The following ARG1 variants were observed in gnomAD, a reference collection of about 807,000 sequenced individuals.
ARG1 encodes the protein arginase 1.
ARG1 carries 20 observed loss-of-function variants against 33.0 expected under a neutral mutation model. The observed-to-expected ratio is 0.61, with a 90% CI of 0.43 to 0.88. The LOEUF (loss-of-function observed/expected upper bound fraction) is 0.88, where lower values mean the gene tolerates loss of function less well. Ranked by LOEUF, ARG1 falls within the 40% of genes least tolerant of loss-of-function variation. The probability of loss-of-function intolerance (pLI) is 0.00; values close to 1 mark genes in which losing one functional copy is unlikely to be tolerated. For missense variants in ARG1, 374 were observed against 384.7 expected (o/e 0.97, Z 0.23); for synonymous variants, 146 against 140.6 (o/e 1.04, Z -0.27).
chr6:131,582,714 C>G lies in ARG1; in HGVS notation c.559C>G (p.His187Asp). 6.2e-7 allele frequency: 1 copy of G among 1,613,292 alleles called. No individual in the cohort carries two copies. The highest frequency in any genetic ancestry group is 8.5e-7 in the Non-Finnish European group (1 of 1,179,360). Residue 187 changes from histidine to aspartate, a missense_variant and splice_region_variant, in exon 5 of 8, where the codon CAC becomes GAC. By Grantham distance (81) the His-to-Asp change is moderately conservative. Transcript: ENST00000368087. ...IGLRDVDPGE[H>D]YILKTLGIKY... is the part of the protein sequence containing the mutation. ...CTTGAGAGACGTGGACCCTGGGGAA[C>G]AGTAAGCTTATTCCTTGATGTGATT...
chr6:131,581,203 ATT>A lies in ARG1; in HGVS notation c.306-11_306-10del. ...ACTGCAAACCTGATGTTCACACAAAATTTTTTCCCCAAAAGTTTGGCAATTGG... is the reference window on the plus strand; with the variant it reads ...ACTGCAAACCTGATGTTCACACAAAATTTTCCCCAAAAGTTTGGCAATTGG... On this transcript the variant is annotated splice_polypyrimidine_tract_variant and intron_variant, in intron 3 of 7. Transcript: ENST00000368087. The A allele has an allele frequency of 6.2e-7, 1 of 1,613,588 alleles. No individual in the cohort carries two copies. Among genetic ancestry groups the A allele is most frequent in the Non-Finnish European group, 8.5e-7 (1 of 1,179,634 alleles).
chr6:131,583,364 G>T lies in ARG1; in HGVS notation c.675G>T (p.Arg225Ser). 6.2e-7 allele frequency: 1 copy of T among 1,614,102 alleles called. No homozygotes were observed. Among genetic ancestry groups the T allele is most frequent in the Non-Finnish European group, 8.5e-7 (1 of 1,179,996 alleles). Reference sequence around the variant, plus strand: ...TCCCACTTCTTAAAAGAAAGAAAAGGCCAATTCATCTAAGTTTTGATGTTG... The same window carrying T: ...TCCCACTTCTTAAAAGAAAGAAAAGTCCAATTCATCTAAGTTTTGATGTTG... ...TLSYLLGRKK[R>S]PIHLSFDVDG... Residue 225 changes from arginine (R) to serine (S), a missense_variant, in exon 7 of 8, where the codon AGG becomes AGT. Physicochemically the swap from Arg to Ser is moderately radical, Grantham distance 110 (BLOSUM62 -1). Coordinates refer to ENST00000368087, the MANE Select transcript of ARG1 (RefSeq NM_000045.4).
Position 131,573,306 on chromosome 6 carries a change from A to T in ARG1, c.24A>T (p.Ile8=). The change falls in exon 1 of 8, where the codon ATA becomes ATT. Residue 8 remains isoleucine (I), a synonymous_variant. Coordinates refer to ENST00000368087, the MANE Select transcript of ARG1 (RefSeq NM_000045.4). Reference sequence around the variant, plus strand: ...GCATGAGCGCCAAGTCCAGAACCATAGGGATTATTGGAGCTCCTTTCTCAA... The same window carrying T: ...GCATGAGCGCCAAGTCCAGAACCATTGGGATTATTGGAGCTCCTTTCTCAA... MSAKSRT[I]GIIGAPFSKG... The T allele has an allele frequency of 6.2e-7, 1 of 1,614,074 alleles. No homozygotes were observed. The highest frequency in any genetic ancestry group is 8.5e-7 in the Non-Finnish European group (1 of 1,179,966).
rs769396581 is a variant in ARG1, at chr6:131,583,317, T to C, written c.666-38T>C. Reference sequence around the variant, plus strand: ...TTATTATCTATGAAATGTGAAGCCATCAACCTTAAACTGAAATCCTTTCCC... The same window carrying C: ...TTATTATCTATGAAATGTGAAGCCACCAACCTTAAACTGAAATCCTTTCCC... On this transcript the variant is annotated intron_variant, in intron 6 of 7. Transcript: ENST00000368087. 12 of 1,613,856 alleles carry C rather than the reference T, an allele frequency of 7.4e-6. No homozygotes were observed. In the South Asian group the frequency reaches 1.3e-4, roughly 18 times the overall value.
chr6:131,582,790 C>T, intron 5 of ARG1, 75 bp downstream of exon 5: 1 of 1,249,182 alleles, frequency 8.0e-7, no homozygotes, highest in Non-Finnish European at 1.2e-6. Context: ...CTGACCAACT[C>T]TATGAGAGAA....
chr6:131,578,635 GT>G (rs1278118729), intron 2 of ARG1, among the ~76,000 whole-genome samples: 2 of 152,112 alleles, frequency 1.3e-5, no homozygotes, highest in Non-Finnish European at 2.9e-5. Flanking sequence ...GTGTCTGTGT[GT>G]GTGTGTATCT....
chr6:131,576,779 C>T (rs1773633961), intron 2 of ARG1, 44 bp downstream of exon 2: 2 of 1,541,832 alleles, frequency 1.3e-6, no homozygotes, highest in African/African-American at 2.7e-5. Context: ...TTCCTCCCCA[C>T]TCTGAAGGAA....
At chr6:131,579,994 G>T (rs1281956230) in intron 3 of ARG1, among the ~76,000 whole-genome samples, 1 of 152,092 alleles carries the variant, frequency 6.6e-6, no homozygotes, top group Non-Finnish European at 1.5e-5. Flanking sequence ...TCATCAAGGG[G>T]TTACATCGCT....
At chr6:131,582,869 A>G (rs1337212551) in intron 5 of ARG1, among the ~76,000 whole-genome samples, 154 bp downstream of exon 5, 5 of 152,154 alleles carry the variant, frequency 3.3e-5, no homozygotes, top group African/African-American at 1.2e-4. Context: ...GTACATACAT[A>G]TGTATGTATC....
Position 131,583,362 on chromosome 6 carries a change from A to G in ARG1, c.673A>G (p.Arg225Gly), listed in dbSNP as rs894974293. Residue 225 changes from arginine to glycine, a missense_variant, in exon 7 of 8, where the codon AGG becomes GGG. Physicochemically the swap from Arg to Gly is moderately radical, Grantham distance 125. Transcript: ENST00000368087. ...TLSYLLGRKK[R>G]PIHLSFDVDG... ...TTTCCCACTTCTTAAAAGAAAGAAA[A>G]GGCCAATTCATCTAAGTTTTGATGT... 1 of 1,614,172 alleles carries G rather than the reference A, an allele frequency of 6.2e-7. No homozygotes were observed. The highest frequency in any genetic ancestry group is 1.7e-5 in the Admixed American group (1 of 60,034).
At position 131,576,754 on chromosome 6, in the gene ARG1, A is replaced by C; in HGVS notation, c.130+19A>C. The C allele has an allele frequency of 6.2e-7, 1 of 1,604,070 alleles. No individual in the cohort carries two copies. On this transcript the variant is annotated intron_variant, in intron 2 of 7. Transcript: ENST00000368087. ...GAACAAGGTAATTTTTAAGTTGAAAAATGATCAGCCTGATTTCCTCCCCAC... is the reference window on the plus strand; with the variant it reads ...GAACAAGGTAATTTTTAAGTTGAAACATGATCAGCCTGATTTCCTCCCCAC...
intron 2 of ARG1, among the ~76,000 whole-genome samples, chr6:131,577,792 C>G (rs1248914655): frequency 6.6e-6 from 1 of 151,430 alleles, no homozygotes; most frequent in Admixed American, 6.6e-5. Flanking sequence ...GTAGTCCCAG[C>G]TACTTGGGAG....
At chr6:131,578,958 T>C in intron 2 of ARG1, 153 bp from the exon 3 acceptor site, 2 of 808,060 alleles carry the variant, frequency 2.5e-6, no homozygotes, top group Admixed American at 2.8e-5. Flanking sequence ...AAAGCAGACA[T>C]GGGTCTACCT....
rs538034569 is a variant in ARG1, at chr6:131,583,374, C to T, written c.685C>T (p.Leu229=). The part of the protein sequence containing the change: ...LLGRKKRPIH[L]SFDVDGLDPS... ...TAAAAGAAAGAAAAGGCCAATTCAT[C>T]TAAGTTTTGATGTTGACGGACTGGA... is the stretch of plus-strand genomic sequence containing the variant. The change falls in exon 7 of 8, where the codon CTA becomes TTA. Residue 229 remains leucine (L), a synonymous_variant. Transcript: ENST00000368087. The T allele has an allele frequency of 2.4e-5, 38 of 1,614,176 alleles. No homozygotes were observed. The highest frequency in any genetic ancestry group is 3.3e-5 in the Admixed American group (2 of 60,024).
chr6:131,583,757 TA>T lies in ARG1; in HGVS notation c.819del (p.Asp274IlefsTer2), dbSNP rs2114551021. ...EIYKTGLLSG[L>X]DIMEVNPSLG... ...GTTGTTGTAGGGCTACTCTCAGGAT[TA>T]GATATAATGGAAGTGAACCCATCCC... On this transcript the variant is annotated frameshift_variant, in exon 8 of 8. Transcript: ENST00000368087. LOFTEE classifies it high-confidence loss of function. 1 of 1,614,010 alleles carries T rather than the reference TA, an allele frequency of 6.2e-7. No individual in the cohort carries two copies. Among genetic ancestry groups the T allele is most frequent in the Non-Finnish European group, 8.5e-7 (1 of 1,179,888 alleles).
intron 1 of ARG1, 120 bp downstream of exon 1, chr6:131,573,459 G>A: frequency 4.2e-6 from 4 of 948,512 alleles, no homozygotes; most frequent in Non-Finnish European, 5.0e-6. Flanking sequence ...GCCAGGAAAT[G>A]CATATTTTAA....
Position 131,583,147 on chromosome 6 carries a change from C to T in ARG1, c.648C>T (p.Leu216=). 6.2e-7 allele frequency: 1 copy of T among 1,613,682 alleles called. No homozygotes were observed. Among genetic ancestry groups the T allele is most frequent in the Non-Finnish European group, 8.5e-7 (1 of 1,179,676 alleles). ...TTGGCAAGGTGATGGAAGAAACACT[C>T]AGCTATCTACTAGGAAGGTAGGATT... ...LGIGKVMEET[L]SYLLGRKKRP... Residue 216 remains leucine (L), a synonymous_variant, in exon 6 of 8, where the codon CTC becomes CTT. Coordinates refer to ENST00000368087, the MANE Select transcript of ARG1 (RefSeq NM_000045.4).
At position 131,583,808 on chromosome 6, in the gene ARG1, C is replaced by A; in HGVS notation, c.869C>A (p.Thr290Asn). 1 of 1,614,116 alleles carries A rather than the reference C, an allele frequency of 6.2e-7. No individual in the cohort carries two copies. The highest frequency in any genetic ancestry group is 1.3e-5 in the African/African-American group (1 of 75,064). The change falls in exon 8 of 8, where the codon ACT becomes AAT. Residue 290 changes from threonine to asparagine, a missense_variant. By Grantham distance (65) the Thr-to-Asn change is moderately conservative. Transcript: ENST00000368087. ...PSLGKTPEEV[T>N]RTVNTAVAIT... ...CTGGGGAAGACACCAGAAGAAGTAA[C>A]TCGAACAGTGAACACAGCAGTTGCA...
chr6:131,581,445 G>A lies in ARG1; in HGVS notation c.465+67G>A, dbSNP rs565522175. ...TAGTAGACATTCAGGAGGTGGAAGG[G>A]AAATGAGAAACTCCATGTTATCTTA... On this transcript the variant is annotated intron_variant, in intron 4 of 7. Transcript: ENST00000368087. 50 of 1,486,374 alleles carry A rather than the reference G, an allele frequency of 3.4e-5. No homozygotes were observed. The East Asian group carries it at 7.3e-4, about 22-fold the overall frequency. 92.1% of individuals were successfully genotyped at this position (1,486,374 alleles called of 1,614,324 possible). A position where few individuals can be genotyped will look rare whatever the true frequency, so the allele number is the denominator to read the frequency against.
Sources: gnomAD v4.1 joint callset for allele counts (sites outside exome capture counted in the v4.1 genomes callset) on GRCh38, gnomAD v4.1.1 for gene constraint, MANE v1.5 for transcripts, NCBI Gene and HGNC (gene_info 2026-07-23, HGNC 2026-07-21) for gene names.